Variants in FANCA observed in about 807,000 individuals in gnomAD.
FANCA encodes Fanconi anemia group A protein.
Under a neutral mutation model 194.3 loss-of-function variants are expected in FANCA, and 236 were observed. The ratio of observed to expected loss-of-function variants is 1.21; its 90% CI spans 1.09 to 1.35. The LOEUF is 1.35. FANCA is among the 40% of genes most tolerant of loss of function. FANCA has a pLI of 0.00. For missense variants in FANCA, 2,628 were observed against 1,813.9 expected, an observed-to-expected ratio of 1.45 and a Z score of -8.15; for synonymous variants, 1,014 against 715.8, an observed-to-expected ratio of 1.42 and a Z score of -6.65.
intron 28 of FANCA, among the ~76,000 whole-genome samples, chr16:89,763,457 T>A (rs2143274375): frequency 6.6e-6 from 1 of 152,004 alleles, no homozygotes; most frequent in Admixed American, 6.6e-5. Flanking sequence ...ATTATAGGCA[T>A]GAGCCACTGT....
chr16:89,757,182 G>T (rs886971008), intron 30 of FANCA, among the ~76,000 whole-genome samples: 1 of 151,758 alleles, frequency 6.6e-6, no homozygotes, highest in African/African-American at 2.4e-5. Flanking sequence ...GGCTGGTCTC[G>T]AGCTCCTGAG....
intron 5 of FANCA, among the ~76,000 whole-genome samples, chr16:89,809,692 A>T (rs1232812768): frequency 5.3e-5 from 8 of 151,954 alleles, no homozygotes; most frequent in Admixed American, 5.2e-4. Flanking sequence ...TCTACTAAAA[A>T]TACAAAAAAA....
chr16:89,765,708 C>G (rs1448010199), intron 27 of FANCA, among the ~76,000 whole-genome samples: 1 of 152,262 alleles, frequency 6.6e-6, no homozygotes, highest in Non-Finnish European at 1.5e-5. Context: ...AGATGAGAGC[C>G]TCCCATGTTT....
In FANCA at chr16:89,770,185, C is replaced by T. The variant is rs1044886484; in HGVS notation, c.2297G>A (p.Cys766Tyr). 3 of 1,592,164 alleles carry T rather than the reference C, an allele frequency of 1.9e-6. No individual in the cohort carries two copies. Among genetic ancestry groups the T allele is most frequent in the African/African-American group, 1.3e-5 (1 of 74,748 alleles). The change falls in exon 25 of 43, where the codon TGC (cysteine) becomes TAC (tyrosine). Residue 766 changes from cysteine to tyrosine, a missense_variant. Coordinates refer to ENST00000389301, the MANE Select transcript of FANCA (RefSeq NM_000135.4). ...RVLPAVLTRL[C>Y]QLLRHQGPSL... ...CCTCACCTGGTGACGGAGCAGCTGG[C>T]AGAGCCGGGTGAGCACTGCAGGGAG...
At chr16:89,793,716 G>A (rs1247722117) in intron 11 of FANCA, among the ~76,000 whole-genome samples, 7 of 151,736 alleles carry the variant, frequency 4.6e-5, no homozygotes, top group African/African-American at 1.5e-4. Flanking sequence ...AAGTAGCTGC[G>A]ACCACAGGCG....
rs2040104949 is a variant in FANCA at position 89,792,369 on chromosome 16, C to T, written c.1083+102G>A. On this transcript the variant is annotated intron_variant, in intron 12 of 42. Transcript: ENST00000389301. ...CACATCTCACCAGACATCCCTGAAC[C>T]TCTCGATGTGCCGTCCACGGCAGGC... 1.0e-5 allele frequency: 13 copies of T among 1,261,600 alleles called. 1 individual carries two copies. The South Asian group carries it at 1.3e-4, about 13-fold the overall frequency. The allele number at this position is 1,261,600 out of a possible 1,614,324, so 78.2% of individuals were successfully genotyped here. A position where few individuals can be genotyped will look rare whatever the true frequency, so the allele number is the denominator to read the frequency against.
intron 1 of FANCA, chr16:89,816,204 C>A: frequency 3.6e-6 from 2 of 560,228 alleles, no homozygotes; most frequent in Non-Finnish European, 3.2e-6. Context: ...GGCAGGGGAG[C>A]CCGGGGACGG....
At chr16:89,774,754 A>AAAAAAAAAAAAAAAAAC (rs34932314) in intron 21 of FANCA, among the ~76,000 whole-genome samples, 1 of 145,840 alleles carries the variant, frequency 6.9e-6, no homozygotes, top group Non-Finnish European at 1.5e-5. Flanking sequence ...AAAAAAAAAA[A>AAAAAAAAAAAAAAAAAC]TCTCAACGAG....
chr16:89,746,854 C>G lies in FANCA; in HGVS notation c.3385G>C (p.Asp1129His), dbSNP rs768851109. The change falls in exon 34 of 43, where the codon GAC becomes CAC. Residue 1129 changes from aspartate to histidine, a missense_variant. Coordinates refer to ENST00000389301, the MANE Select transcript of FANCA (RefSeq NM_000135.4). ...FCSHGGALTQDITAHFFRGLL... is the reference protein window; with the variant it reads ...FCSHGGALTQHITAHFFRGLL... ...ACCCTGAAGAAGTGGGCAGTGATGT[C>G]CTGTGTCAGGGCACCTCCGTGGGAG... 4.9e-5 allele frequency: 76 copies of G among 1,563,200 alleles called. No individual in the cohort carries two copies. In the South Asian group the frequency reaches 7.7e-4, roughly 16 times the overall value.
intron 30 of FANCA, among the ~76,000 whole-genome samples, chr16:89,758,141 G>T (rs1432745505): frequency 1.3e-5 from 2 of 152,208 alleles, no homozygotes; most frequent in African/African-American, 4.8e-5. Context: ...ACAGGTGTGA[G>T]CCACCACGCC....
chr16:89,789,309 G>GT (rs34488586), intron 14 of FANCA, among the ~76,000 whole-genome samples: 4 of 150,916 alleles, frequency 2.7e-5, no homozygotes, highest in South Asian at 2.1e-4. Context: ...GAAGGCCTGG[G>GT]GGGGGAGCAG....
Position 89,764,969 on chromosome 16 carries a change from G to C in FANCA, c.2699C>G (p.Ser900Cys). The C allele has an allele frequency of 6.8e-6, 11 of 1,614,276 alleles. No homozygotes were observed. Among genetic ancestry groups the C allele is most frequent in the Non-Finnish European group, 9.3e-6 (11 of 1,180,050 alleles). Reference sequence around the variant, plus strand: ...GAGGGCAGCTCTCTGCCAGTCTGCAGAAGGAAGGTGCAAGGGTCTCCAGGA... The same window carrying C: ...GAGGGCAGCTCTCTGCCAGTCTGCACAAGGAAGGTGCAAGGGTCTCCAGGA... ...SLSWRPLHLP[S>C]ADWQRAALSL... Residue 900 changes from serine (S) to cysteine (C), a missense_variant, in exon 28 of 43, where the codon TCT (serine) becomes TGT (cysteine). By Grantham distance (112) the Ser-to-Cys change is moderately radical. Transcript: ENST00000389301.
Position 89,811,091 on chromosome 16 carries a change from C to T in FANCA, c.284-20G>A, listed in dbSNP as rs1308193778. ...CAGAGCCTTAAACACAAAACAAAAC[C>T]ATAGCTTTCTCTTAACACATGAGAC... is the stretch of plus-strand genomic sequence containing the variant. On this transcript the variant is annotated intron_variant, in intron 3 of 42. Transcript: ENST00000389301. 3 of 1,613,810 alleles carry T rather than the reference C, an allele frequency of 1.9e-6. No homozygotes were observed. In the South Asian group the frequency reaches 3.3e-5, roughly 18 times the overall value.
intron 1 of FANCA, 26 bp from the exon 2 acceptor site, chr16:89,816,012 C>T (rs373235890): frequency 1.9e-6 from 3 of 1,562,578 alleles, no homozygotes; most frequent in Non-Finnish European, 2.6e-6. Context: ...GGTTCGAAAC[C>T]ATCACAGCAC....
intron 27 of FANCA, 87 bp from the exon 28 acceptor site, chr16:89,765,153 T>G: frequency 6.9e-7 from 1 of 1,454,484 alleles, no homozygotes; most frequent in South Asian, 1.2e-5. Flanking sequence ...AAACAGACCA[T>G]CAACAGCCCA....
intron 6 of FANCA, among the ~76,000 whole-genome samples, chr16:89,807,878 G>C (rs1394600757): frequency 6.6e-6 from 1 of 151,260 alleles, no homozygotes. Context: ...ACGAGACTCT[G>C]TCCCTAAAAA....
chr16:89,755,958 C>A (rs569030729), intron 30 of FANCA, among the ~76,000 whole-genome samples: 1 of 152,244 alleles, frequency 6.6e-6, no homozygotes, highest in Non-Finnish European at 1.5e-5. Flanking sequence ...ACCTAGGCCA[C>A]ATGGCACGGC....
At chr16:89,795,390 A>T (rs560987505) in intron 11 of FANCA, among the ~76,000 whole-genome samples, 17 of 151,646 alleles carry the variant, frequency 1.1e-4, no homozygotes, top group Non-Finnish European at 2.2e-4. Context: ...ACACTTCGAC[A>T]CTCTGGGAAG....
In FANCA at chr16:89,784,421, T is replaced by TA. The variant is rs59766959; in HGVS notation, c.1470+432dup. ...AACAAAAAAAAAACCCACATGAAAT[T>TA]AAAAAAAAAAAAAAAAAAGCAAACA... On this transcript the variant is annotated intron_variant, in intron 15 of 42. Transcript: ENST00000389301. Among the ~76,000 whole-genome samples, 447 of 118,290 alleles carry TA rather than the reference T, an allele frequency of 3.8e-3. 4 individuals carry two copies. The highest frequency in any genetic ancestry group is 0.02 in the South Asian group (78 of 3,934). 77.6% of individuals were successfully genotyped at this position (118,290 alleles called of 152,430 possible). A position where few individuals can be genotyped will look rare whatever the true frequency, so the allele number is the denominator to read the frequency against.
Sources: allele counts gnomAD v4.1 joint callset (sites outside exome capture counted in the v4.1 genomes callset), GRCh38; gene constraint gnomAD v4.1.1; transcripts MANE v1.5; gene names NCBI Gene and HGNC (gene_info 2026-07-23, HGNC 2026-07-21).